Variants in PARP4 observed in about 807,000 individuals in gnomAD.
PARP4 encodes the protein poly(ADP-ribose) polymerase family member 4.
Under a neutral mutation model 187.7 loss-of-function variants are expected in PARP4, and 120 were observed. That is an observed-to-expected ratio of 0.64 (90% CI 0.55 to 0.74). The LOEUF is 0.74. PARP4 is among the 30% of genes least tolerant of loss of function. PARP4 has a pLI of 0.00. For synonymous variants in PARP4, 654 were observed against 740.9 expected, an observed-to-expected ratio of 0.88 and a Z score of 1.90; for missense variants, 1,836 against 2,070.5, an observed-to-expected ratio of 0.89 and a Z score of 2.20.
intron 33 of PARP4, among the ~76,000 whole-genome samples, chr13:24,422,556 G>GAAATAGAAAATATAGA (rs1869799733): frequency 6.6e-6 from 1 of 151,992 alleles, no homozygotes; most frequent in South Asian, 2.1e-4. Flanking sequence ...TGTACATCCT[G>GAAATAGAAAATATAGA]AAATAGAAAA....
chr13:24,493,576 T>G lies in PARP4; in HGVS notation c.879+20A>C. On this transcript the variant is annotated intron_variant, in intron 8 of 33. Coordinates refer to ENST00000381989, the MANE Select transcript of PARP4 (RefSeq NM_006437.4). Reference sequence around the variant, plus strand: ...GGAGGCAGATTTTTCACATTCTGTTTCAGCGACACACCAACTTACATCGTT... The same window carrying G: ...GGAGGCAGATTTTTCACATTCTGTTGCAGCGACACACCAACTTACATCGTT... 1.3e-6 allele frequency: 2 copies of G among 1,591,532 alleles called. No individual in the cohort carries two copies. The highest frequency in any genetic ancestry group is 2.2e-5 in the East Asian group (1 of 44,636).
chr13:24,437,047 T>C (rs1042102484), intron 30 of PARP4, among the ~76,000 whole-genome samples: 1 of 152,114 alleles, frequency 6.6e-6, no homozygotes, highest in East Asian at 1.9e-4. Context: ...ATAATAATTA[T>C]AGTAGACGAA....
Position 24,493,653 on chromosome 13 carries a change from G to A in PARP4, c.822C>T (p.Ala274=), listed in dbSNP as rs2137533706. 2 of 1,613,952 alleles carry A rather than the reference G, an allele frequency of 1.2e-6. No individual in the cohort carries two copies. The highest frequency in any genetic ancestry group is 2.2e-5 in the South Asian group (2 of 91,060). Residue 274 remains alanine, a synonymous_variant, in exon 8 of 34, where the codon GCC becomes GCT. Transcript: ENST00000381989. ...GAAGCATGTGTTCCAGGTGGCCCAG[G>A]GCCTCTGCCCAAATCATCTCTACTA... ...SDLVEMIWAE[A]LGHLEHMLLK...
intron 22 of PARP4, among the ~76,000 whole-genome samples, chr13:24,454,005 C>T (rs1046703106): frequency 6.6e-6 from 1 of 151,290 alleles, no homozygotes; most frequent in Non-Finnish European, 1.5e-5. Flanking sequence ...ATCTCAGCCA[C>T]TGGGGAGGCT....
intron 24 of PARP4, among the ~76,000 whole-genome samples, chr13:24,451,773 T>C (rs1316507861): frequency 6.6e-6 from 1 of 152,176 alleles, no homozygotes; most frequent in Non-Finnish European, 1.5e-5. Flanking sequence ...TCCTTACACA[T>C]ACACCGCATA....
intron 12 of PARP4, among the ~76,000 whole-genome samples, chr13:24,479,915 A>T (rs1305299587): frequency 2.6e-5 from 4 of 152,072 alleles, no homozygotes; most frequent in African/African-American, 9.7e-5. Flanking sequence ...TCACTCCTGA[A>T]GCCCGCGAGA....
intron 15 of PARP4, among the ~76,000 whole-genome samples, chr13:24,472,250 A>G (rs1228046509): frequency 6.6e-6 from 1 of 152,198 alleles, no homozygotes; most frequent in Non-Finnish European, 1.5e-5. Context: ...AATGGTAACC[A>G]TTATGTTTAC....
Position 24,421,053 on chromosome 13 carries a change from CTATT to C in PARP4, c.*62_*65del, listed in dbSNP as rs200290040. On this transcript the variant is annotated 3_prime_UTR_variant, in exon 34 of 34. Transcript: ENST00000381989. ...CTTAATGAAGTTTCATTATAAGTATCTATTATCATTTGATTATTTTCTACATAGA... is the reference window on the plus strand; with the variant it reads ...CTTAATGAAGTTTCATTATAAGTATCATCATTTGATTATTTTCTACATAGA... The C allele has an allele frequency of 4.7e-3, 6,722 of 1,430,844 alleles. 252 individuals are homozygous for C. In the African/African-American group the frequency reaches 0.087, roughly 19 times the overall value. 88.6% of individuals were successfully genotyped at this position (1,430,844 alleles called of 1,614,324 possible). A position where few individuals can be genotyped will look rare whatever the true frequency, so the allele number is the denominator to read the frequency against.
chr13:24,494,545 C>T, intron 7 of PARP4, 28 bp downstream of exon 7: 1 of 1,584,632 alleles, frequency 6.3e-7, no homozygotes, highest in Non-Finnish European at 8.6e-7. Flanking sequence ...ATTCAATCAA[C>T]AACAAAAAAA....
At chr13:24,446,966 G>C in intron 26 of PARP4, 50 bp downstream of exon 26, 1 of 1,533,446 alleles carries the variant, frequency 6.5e-7, no homozygotes, top group South Asian at 1.3e-5. Context: ...AAAAAAATTA[G>C]CAAAATATAT....
At chr13:24,484,173 A>T (rs1247819982) in intron 12 of PARP4, among the ~76,000 whole-genome samples, 1 of 152,102 alleles carries the variant, frequency 6.6e-6, no homozygotes, top group African/African-American at 2.4e-5. Context: ...TGAGGTTGGC[A>T]GATGATGTAC....
In PARP4 at chr13:24,498,094, G is replaced by T. The variant is rs180705144; in HGVS notation, c.591+22C>A. ...TGAACAGAGGTCAGTAAACACATAGGAATCAATATAAACAGCATTACCTCC... is the reference window on the plus strand; with the variant it reads ...TGAACAGAGGTCAGTAAACACATAGTAATCAATATAAACAGCATTACCTCC... On this transcript the variant is annotated intron_variant, in intron 6 of 33. Transcript: ENST00000381989. 4.0e-6 allele frequency: 6 copies of T among 1,492,920 alleles called. No individual in the cohort carries two copies. The South Asian group carries it at 4.5e-5, about 11-fold the overall frequency. The allele number at this position is 1,492,920 out of a possible 1,614,324, so 92.5% of individuals were successfully genotyped here.
chr13:24,465,791 T>G (rs780338530), intron 17 of PARP4, among the ~76,000 whole-genome samples: 1 of 151,396 alleles, frequency 6.6e-6, no homozygotes, highest in South Asian at 2.1e-4. Flanking sequence ...AAAAGATAGT[T>G]GAATATATAA....
At position 24,500,792 on chromosome 13, in the gene PARP4, C is replaced by T. The variant is rs554661443; in HGVS notation, c.335-410G>A. The stretch of plus-strand genomic sequence containing the variant: ...GCTCTGCATGAGCTTTTGCTTCATA[C>T]TTTCTGTACAGAGAAACAGTAACAC... On this transcript the variant is annotated intron_variant, in intron 3 of 33. Coordinates refer to ENST00000381989, the MANE Select transcript of PARP4 (RefSeq NM_006437.4). Among the ~76,000 whole-genome samples the T allele has an allele frequency of 2.0e-5, 3 of 152,206 alleles. No individual in the cohort carries two copies. In the South Asian group the frequency reaches 6.2e-4, roughly 32 times the overall value.
chr13:24,428,890 T>C (rs56046828), intron 32 of PARP4, among the ~76,000 whole-genome samples: 89,821 of 152,036 alleles, frequency 0.59, 26,669 homozygotes, highest in South Asian at 0.66. Context: ...TTTGATCAAT[T>C]TTACAAAAAT....
At chr13:24,426,105 C>T (rs1056486253) in intron 33 of PARP4, among the ~76,000 whole-genome samples, 1 of 152,086 alleles carries the variant, frequency 6.6e-6, no homozygotes, top group African/African-American at 2.4e-5. Flanking sequence ...TATTCTTGTC[C>T]CAGGCCCTGC....
intron 32 of PARP4, among the ~76,000 whole-genome samples, chr13:24,427,686 C>G (rs1199551479): frequency 6.6e-6 from 1 of 152,004 alleles, no homozygotes; most frequent in Non-Finnish European, 1.5e-5. Flanking sequence ...GTTGAGGTAG[C>G]CAAAACTGCT....
intron 24 of PARP4, among the ~76,000 whole-genome samples, chr13:24,450,242 A>G (rs1871438664): frequency 6.6e-6 from 1 of 152,116 alleles, no homozygotes; most frequent in Admixed American, 6.5e-5. Flanking sequence ...TCTGATACAC[A>G]TCAACATAGC....
In PARP4 at chr13:24,434,839, A is replaced by C; in HGVS notation, c.4302T>G (p.Ser1434=). 1 of 1,613,738 alleles carries C rather than the reference A, an allele frequency of 6.2e-7. No individual in the cohort carries two copies. Among genetic ancestry groups the C allele is most frequent in the Non-Finnish European group, 8.5e-7 (1 of 1,179,838 alleles). The change falls in exon 31 of 34, where the codon TCT becomes TCG. Residue 1434 remains serine (S), a synonymous_variant. Coordinates refer to ENST00000381989, the MANE Select transcript of PARP4 (RefSeq NM_006437.4). ...TAGGAAGAGAGAAATGAAGCTGGGG[A>C]GAATCCAGCTCAGGGAAGGTGCCAG... ...PSAGTFPELD[S]PQLHFSLPTD... is the part of the protein sequence containing the mutation.
Sources: gnomAD v4.1 joint callset for allele counts (sites outside exome capture counted in the v4.1 genomes callset) on GRCh38, gnomAD v4.1.1 for gene constraint, MANE v1.5 for transcripts, NCBI Gene and HGNC (gene_info 2026-07-23, HGNC 2026-07-21) for gene names.